The following LARGE1 variants were observed in gnomAD, a reference collection of about 807,000 sequenced individuals.
LARGE1 encodes xylosyl- and glucuronyltransferase LARGE1.
In LARGE1, 43 loss-of-function variants were observed where a neutral mutation model predicts 87.6. The ratio of observed to expected loss-of-function variants is 0.49; its 90% CI spans 0.38 to 0.63. The LOEUF is 0.63. Among genes scored for constraint, LARGE1 ranks in the 30% least tolerant of loss-of-function variants. The pLI is 0.00. For synonymous variants in LARGE1, 434 were observed against 394.6 expected (o/e 1.10, Z -1.18); for missense variants, 802 against 1,000.2 (o/e 0.80, Z 2.67).
At chr22:33,247,181 A>G (rs1424494235) in intron 11 of LARGE1, among the ~76,000 whole-genome samples, 1 of 151,940 alleles carries the variant, frequency 6.6e-6, no homozygotes, top group Non-Finnish European at 1.5e-5. Context: ...AAAAAACAAA[A>G]CCAAAATGTT....
intron 2 of LARGE1, among the ~76,000 whole-genome samples, chr22:33,652,769 G>A (rs565725559): frequency 9.2e-5 from 14 of 152,194 alleles, no homozygotes; most frequent in Middle Eastern, 3.4e-3. Context: ...TGCTTGTGTC[G>A]GCCTCTGCCC....
intron 11 of LARGE1, among the ~76,000 whole-genome samples, chr22:33,174,139 G>A (rs1922731634): frequency 6.6e-6 from 1 of 152,066 alleles, no homozygotes; most frequent in Non-Finnish European, 1.5e-5. Flanking sequence ...ATAACAAACA[G>A]GCTCTCTGAC....
intron 2 of LARGE1, among the ~76,000 whole-genome samples, chr22:33,672,799 T>C (rs2081456242): frequency 6.6e-6 from 1 of 152,190 alleles, no homozygotes; most frequent in Non-Finnish European, 1.5e-5. Flanking sequence ...TTCATAAATA[T>C]CTATACGGCA....
chr22:33,336,489 C>A, intron 10 of LARGE1, among the ~76,000 whole-genome samples: 1 of 152,090 alleles, frequency 6.6e-6, no homozygotes, highest in South Asian at 2.1e-4. Context: ...TGTGAGCCAC[C>A]GCGCCTGGCC....
At chr22:33,812,378 T>A (rs2086522718) in intron 1 of LARGE1, among the ~76,000 whole-genome samples, 1 of 152,244 alleles carries the variant, frequency 6.6e-6, no homozygotes, top group South Asian at 2.1e-4. Context: ...AGGCTCTTTT[T>A]GACATGTAAT....
chr22:33,627,432 G>C (rs2079957456), intron 3 of LARGE1, among the ~76,000 whole-genome samples: 1 of 152,126 alleles, frequency 6.6e-6, no homozygotes, highest in African/African-American at 2.4e-5. Flanking sequence ...GTTGCATTCT[G>C]TCCTGGGCAT....
At chr22:33,280,131 G>A (rs1171975827) in intron 13 of LARGE1, among the ~76,000 whole-genome samples, 1 of 152,094 alleles carries the variant, frequency 6.6e-6, no homozygotes, top group East Asian at 1.9e-4. Context: ...AATGGTTCTG[G>A]AGGCTGCCTG....
At chr22:33,599,706 C>A (rs2079066976) in intron 5 of LARGE1, among the ~76,000 whole-genome samples, 1 of 152,130 alleles carries the variant, frequency 6.6e-6, no homozygotes, top group African/African-American at 2.4e-5. Flanking sequence ...CATAAGGGGC[C>A]CACAGGAACA....
chr22:33,578,510 T>C (rs929271810), intron 5 of LARGE1, among the ~76,000 whole-genome samples: 2 of 152,228 alleles, frequency 1.3e-5, no homozygotes, highest in African/African-American at 4.8e-5. Context: ...AATATTATTA[T>C]GTTTATAATA....
chr22:33,522,571 G>A lies in LARGE1; in HGVS notation c.787+42277C>T, dbSNP rs566548890. Among the ~76,000 whole-genome samples, 329 of 152,266 alleles carry A rather than the reference G, an allele frequency of 2.2e-3. 2 individuals are homozygous for A. Among genetic ancestry groups the A allele is most frequent in the South Asian group, 4.1e-4 (2 of 4,820 alleles). ...AAAAAGGCCAGGTGCGGTGGCTGAT[G>A]CCTATAATCCCAGCACTTTGGGAGG... On this transcript the variant is annotated intron_variant, in intron 6 of 14. Transcript: ENST00000397394.
intron 1 of LARGE1, among the ~76,000 whole-genome samples, chr22:33,784,071 C>G (rs1327666505): frequency 6.6e-6 from 1 of 152,190 alleles, no homozygotes; most frequent in Non-Finnish European, 1.5e-5. Context: ...GAGACCTCCT[C>G]TTTGGTAAAA....
downstream of LARGE1, among the ~76,000 whole-genome samples, chr22:33,270,222 G>C (rs1928173368): frequency 6.6e-6 from 1 of 152,086 alleles, no homozygotes; most frequent in African/African-American, 2.4e-5. Context: ...TAGATCCTAT[G>C]GGTCTGAAAC....
At chr22:33,787,317 C>T (rs2085679486) in intron 1 of LARGE1, among the ~76,000 whole-genome samples, 1 of 152,024 alleles carries the variant, frequency 6.6e-6, no homozygotes, top group Non-Finnish European at 1.5e-5. Flanking sequence ...TGTTATTGTC[C>T]CTGGCAATAA....
At chr22:33,803,977 C>T (rs759432750) in intron 1 of LARGE1, among the ~76,000 whole-genome samples, 7 of 152,204 alleles carry the variant, frequency 4.6e-5, no homozygotes, top group African/African-American at 7.2e-5. Flanking sequence ...AAGCCAACCT[C>T]GTAAGCAGGC....
intron 10 of LARGE1, among the ~76,000 whole-genome samples, chr22:33,327,710 T>G (rs1937362168): frequency 6.6e-6 from 1 of 152,084 alleles, no homozygotes; most frequent in Non-Finnish European, 1.5e-5. Flanking sequence ...CATGTGTGGT[T>G]TGCTTATTTT....
chr22:33,409,288 C>T (rs1026706569), intron 7 of LARGE1, among the ~76,000 whole-genome samples: 17 of 140,874 alleles, frequency 1.2e-4, no homozygotes, highest in Admixed American at 1.0e-3. Flanking sequence ...TACCCTGAGA[C>T]GGAAGGAGGA....
intron 11 of LARGE1, among the ~76,000 whole-genome samples, chr22:33,308,509 T>C (rs10483171): frequency 0.079 from 12,083 of 152,216 alleles, 520 homozygotes; most frequent in South Asian, 0.16. Flanking sequence ...TAGCTATCAA[T>C]CGTCCCTTTG....
At chr22:33,437,295 T>C (rs181360933) in intron 6 of LARGE1, among the ~76,000 whole-genome samples, 35 of 152,174 alleles carry the variant, frequency 2.3e-4, no homozygotes, top group African/African-American at 7.5e-4. Context: ...TCCAATGCCA[T>C]ACTTCCTGAG....
At chr22:33,296,966 A>C (rs1338346592) in intron 12 of LARGE1, among the ~76,000 whole-genome samples, 1 of 152,230 alleles carries the variant, frequency 6.6e-6, no homozygotes, top group African/African-American at 2.4e-5. Context: ...TTAATGGTAA[A>C]ATACAGGTGA....
Sources: gnomAD v4.1 joint callset for allele counts (sites outside exome capture counted in the v4.1 genomes callset) on GRCh38, gnomAD v4.1.1 for gene constraint, MANE v1.5 for transcripts, NCBI Gene and HGNC (gene_info 2026-07-23, HGNC 2026-07-21) for gene names.